Variants in EIPR1 observed in about 807,000 individuals in gnomAD.
The protein encoded by EIPR1 is EARP and GARP complex-interacting protein 1.
In EIPR1, 25 loss-of-function variants were observed where a neutral mutation model predicts 48.1. That is an observed-to-expected ratio of 0.52 (90% CI 0.38 to 0.73). The LOEUF is 0.73. EIPR1 is among the 30% of genes least tolerant of loss of function. The pLI, the probability that EIPR1 is intolerant of heterozygous loss-of-function variation, is 0.00. For synonymous variants in EIPR1, 204 were observed against 201.9 expected, an observed-to-expected ratio of 1.01 and a Z score of -0.09; for missense variants, 415 against 506.2, an observed-to-expected ratio of 0.82 and a Z score of 1.73.
rs796380456 is a variant in EIPR1, at chr2:3,221,824, C to A, written c.417-7576G>T. Among the ~76,000 whole-genome samples, 88 of 143,202 alleles carry A rather than the reference C, an allele frequency of 6.1e-4. 1 individual carries two copies. Among genetic ancestry groups the A allele is most frequent in the African/African-American group, 2.1e-3 (76 of 35,424 alleles). The allele number at this position is 143,202 out of a possible 152,430, so 93.9% of individuals were successfully genotyped here. A position where few individuals can be genotyped will look rare whatever the true frequency, so the allele number is the denominator to read the frequency against. On this transcript the variant is annotated intron_variant, in intron 4 of 8. Coordinates refer to ENST00000382125, the MANE Select transcript of EIPR1 (RefSeq NM_003310.5). ...TTCACAGTCAGTTGAGGACACAAGCCCACAATGGCCGAGATACACTCTAGA... is the reference window on the plus strand; with the variant it reads ...TTCACAGTCAGTTGAGGACACAAGCACACAATGGCCGAGATACACTCTAGA...
chr2:3,232,859 C>T (rs1461063426), intron 4 of EIPR1, among the ~76,000 whole-genome samples: 1 of 152,192 alleles, frequency 6.6e-6, no homozygotes, highest in Non-Finnish European at 1.5e-5. Context: ...AAAGCACATA[C>T]ACTTAGATGT....
At chr2:3,305,860 T>C (rs1049968895) in intron 3 of EIPR1, among the ~76,000 whole-genome samples, 3 of 152,252 alleles carry the variant, frequency 2.0e-5, no homozygotes, top group Non-Finnish European at 4.4e-5. Flanking sequence ...AGGCGGTTCA[T>C]AGGCTCTGTT....
intron 3 of EIPR1, among the ~76,000 whole-genome samples, chr2:3,287,022 A>G (rs1388069249): frequency 7.0e-6 from 1 of 142,566 alleles, no homozygotes; most frequent in Non-Finnish European, 1.5e-5. Context: ...TGGGGAGCAC[A>G]CAGAGTGCCA....
chr2:3,292,240 T>C (rs1668384873), intron 3 of EIPR1, among the ~76,000 whole-genome samples: 1 of 152,194 alleles, frequency 6.6e-6, no homozygotes, highest in South Asian at 2.1e-4. Flanking sequence ...CCCAGTCCAT[T>C]AAGTGGCTGA....
intron 1 of EIPR1, among the ~76,000 whole-genome samples, chr2:3,371,590 T>C (rs1448078742): frequency 6.6e-6 from 1 of 152,110 alleles, no homozygotes; most frequent in South Asian, 2.1e-4. Flanking sequence ...TCCTAGTCTC[T>C]GATAAAACAC....
intron 4 of EIPR1, among the ~76,000 whole-genome samples, chr2:3,256,906 C>T (rs186112700): frequency 2.4e-4 from 37 of 152,342 alleles, no homozygotes; most frequent in East Asian, 5.8e-4. Context: ...GCTTTGTCCA[C>T]GGGAGGAAGG....
chr2:3,227,364 A>C (rs1480261092), intron 4 of EIPR1, among the ~76,000 whole-genome samples: 1 of 152,240 alleles, frequency 6.6e-6, no homozygotes, highest in African/African-American at 2.4e-5. Context: ...GCTATGCTTT[A>C]GCAAAGAAAC....
intron 3 of EIPR1, among the ~76,000 whole-genome samples, chr2:3,309,058 G>A (rs921906640): frequency 2.0e-5 from 3 of 152,164 alleles, no homozygotes; most frequent in South Asian, 2.1e-4. Flanking sequence ...AAAGAACAAC[G>A]AATGGGCAAA....
chr2:3,206,574 A>C (rs1665244454), intron 5 of EIPR1, among the ~76,000 whole-genome samples: 1 of 152,170 alleles, frequency 6.6e-6, no homozygotes, highest in South Asian at 2.1e-4. Flanking sequence ...TTATTTCTAA[A>C]AGGATTCTAT....
At chr2:3,197,262 GTT>G (rs1422311736) in intron 5 of EIPR1, among the ~76,000 whole-genome samples, 3 of 152,206 alleles carry the variant, frequency 2.0e-5, no homozygotes, top group Non-Finnish European at 4.4e-5. Flanking sequence ...ATTAAAGAGC[GTT>G]TGCTTGCAAG....
intron 3 of EIPR1, among the ~76,000 whole-genome samples, chr2:3,306,273 G>T (rs1668942271): frequency 6.6e-6 from 1 of 152,198 alleles, no homozygotes; most frequent in African/African-American, 2.4e-5. Flanking sequence ...TATTTGGTTG[G>T]ATTTGTTCTC....
intron 3 of EIPR1, among the ~76,000 whole-genome samples, chr2:3,317,808 C>T (rs970044467): frequency 2.0e-5 from 3 of 152,190 alleles, no homozygotes; most frequent in South Asian, 2.1e-4. Context: ...GGAGAGGCCA[C>T]ATGATGCCAC....
At chr2:3,227,690 C>A (rs1264729243) in intron 4 of EIPR1, among the ~76,000 whole-genome samples, 2 of 152,142 alleles carry the variant, frequency 1.3e-5, no homozygotes, top group Non-Finnish European at 2.9e-5. Flanking sequence ...GCCCAGAGGC[C>A]TAAGAGAAAA....
intron 3 of EIPR1, among the ~76,000 whole-genome samples, chr2:3,294,884 ATGC>A (rs1668494095): frequency 8.6e-6 from 1 of 116,206 alleles, no homozygotes; most frequent in Non-Finnish European, 1.7e-5. Context: ...CTCTATACAC[ATGC>A]CCTCCATCCA....
intron 4 of EIPR1, among the ~76,000 whole-genome samples, chr2:3,224,539 G>A (rs1665997116): frequency 6.6e-6 from 1 of 152,158 alleles, no homozygotes; most frequent in African/African-American, 2.4e-5. Context: ...AGGCTCTGCT[G>A]CAGGGCCCCA....
intron 3 of EIPR1, among the ~76,000 whole-genome samples, chr2:3,318,393 T>C (rs934047413): frequency 1.3e-4 from 20 of 152,190 alleles, no homozygotes; most frequent in African/African-American, 4.8e-4. Flanking sequence ...CCAAGTCTTA[T>C]TTCACATCTT....
At chr2:3,205,772 G>A (rs1371622184) in intron 5 of EIPR1, among the ~76,000 whole-genome samples, 4 of 152,174 alleles carry the variant, frequency 2.6e-5, no homozygotes, top group African/African-American at 9.7e-5. Context: ...ATCATTGGCA[G>A]GTTACTTAGT....
intron 3 of EIPR1, among the ~76,000 whole-genome samples, chr2:3,311,725 G>C (rs1468034524): frequency 2.0e-5 from 3 of 152,106 alleles, no homozygotes; most frequent in East Asian, 1.9e-4. Context: ...GTCACGAGGT[G>C]TGGGCGGCAG....
chr2:3,280,282 G>A (rs956340671), intron 3 of EIPR1, among the ~76,000 whole-genome samples: 2 of 152,212 alleles, frequency 1.3e-5, no homozygotes, highest in South Asian at 2.1e-4. Flanking sequence ...CAGACAAGTC[G>A]GCAAAACCTT....
Sources: allele counts gnomAD v4.1 joint callset (sites outside exome capture counted in the v4.1 genomes callset), GRCh38; gene constraint gnomAD v4.1.1; transcripts MANE v1.5; gene names NCBI Gene and HGNC (gene_info 2026-07-23, HGNC 2026-07-21).